Variants in CAMKMT observed in about 807,000 individuals in gnomAD.
CAMKMT encodes the protein calmodulin-lysine N-methyltransferase.
In CAMKMT, 53 loss-of-function variants were observed where a neutral mutation model predicts 48.0. The observed-to-expected ratio is 1.10, with a 90% CI of 0.89 to 1.39. The LOEUF (loss-of-function observed/expected upper bound fraction) is 1.39, where lower values mean the gene tolerates loss of function less well. Ranked by LOEUF, CAMKMT falls within the 40% of genes most tolerant of loss-of-function variation. The pLI is 0.00. For synonymous variants in CAMKMT, 165 were observed against 152.3 expected, an observed-to-expected ratio of 1.08 and a Z score of -0.61; for missense variants, 428 against 402.7, an observed-to-expected ratio of 1.06 and a Z score of -0.54.
At chr2:44,717,803 A>G (rs1259272084) in intron 7 of CAMKMT, among the ~76,000 whole-genome samples, 1 of 151,980 alleles carries the variant, frequency 6.6e-6, no homozygotes, top group African/African-American at 2.4e-5. Context: ...CTGAAAGGAA[A>G]GTCGTGGTAT....
At chr2:44,611,600 T>G (rs778474702) in intron 3 of CAMKMT, among the ~76,000 whole-genome samples, 1 of 152,092 alleles carries the variant, frequency 6.6e-6, no homozygotes, top group Non-Finnish European at 1.5e-5. Flanking sequence ...AAAAGGGAGT[T>G]TAAATAATAT....
intron 10 of CAMKMT, 120 bp from the exon 11 acceptor site, chr2:44,771,912 GATTT>G (rs1048063844): frequency 1.1e-4 from 68 of 628,834 alleles, no homozygotes; most frequent in Middle Eastern, 8.8e-4. Context: ...GCTTTTCTGT[GATTT>G]ATTTTTCCAG....
intron 3 of CAMKMT, among the ~76,000 whole-genome samples, chr2:44,616,581 A>G (rs1476405367): frequency 2.6e-5 from 4 of 152,196 alleles, no homozygotes; most frequent in Non-Finnish European, 5.9e-5. Flanking sequence ...CTTGATCACA[A>G]GCAGTAAGGT....
At chr2:44,461,583 C>CT (rs1667852186) in intron 3 of CAMKMT, among the ~76,000 whole-genome samples, 2 of 152,184 alleles carry the variant, frequency 1.3e-5, no homozygotes. Flanking sequence ...GGGAATGCAT[C>CT]TGTCTTGTTC....
At chr2:44,713,793 G>C (rs928988602) in intron 6 of CAMKMT, among the ~76,000 whole-genome samples, 1 of 152,112 alleles carries the variant, frequency 6.6e-6, no homozygotes, top group African/African-American at 2.4e-5. Context: ...GGGTGTGCCT[G>C]GTGGTTCAAG....
intron 3 of CAMKMT, among the ~76,000 whole-genome samples, chr2:44,446,651 C>G (rs1015531867): frequency 6.6e-6 from 1 of 152,072 alleles, no homozygotes; most frequent in African/African-American, 2.4e-5. Context: ...AGCCTTTTCC[C>G]TTATATTCTC....
intron 3 of CAMKMT, among the ~76,000 whole-genome samples, chr2:44,611,206 T>G (rs1201263793): frequency 2.0e-5 from 3 of 151,990 alleles, no homozygotes; most frequent in Non-Finnish European, 4.4e-5. Context: ...CTGAGGTGGG[T>G]GGATCACCCG....
intron 3 of CAMKMT, among the ~76,000 whole-genome samples, chr2:44,587,964 C>G (rs888615052): frequency 1.6e-5 from 2 of 125,744 alleles, no homozygotes; most frequent in Non-Finnish European, 3.5e-5. Flanking sequence ...AGGAGCCTCT[C>G]TGCCTGGCTG....
chr2:44,394,844 GTTA>G (rs1270088768), intron 3 of CAMKMT: 2 of 453,926 alleles, frequency 4.4e-6, no homozygotes, highest in African/African-American at 4.0e-5. Context: ...GTGGTAATCA[GTTA>G]TTATTGAAAG....
intron 3 of CAMKMT, among the ~76,000 whole-genome samples, chr2:44,494,332 G>A (rs1669653522): frequency 6.6e-6 from 1 of 152,128 alleles, no homozygotes; most frequent in Non-Finnish European, 1.5e-5. Context: ...GTGTCCTCTT[G>A]AGATTTTGTG....
chr2:44,755,459 G>C (rs1378781591), intron 9 of CAMKMT, among the ~76,000 whole-genome samples: 1 of 152,064 alleles, frequency 6.6e-6, no homozygotes, highest in Non-Finnish European at 1.5e-5. Flanking sequence ...GAATATGAAG[G>C]CCTCTATGAA....
intron 3 of CAMKMT, among the ~76,000 whole-genome samples, chr2:44,564,135 A>T (rs964701016): frequency 6.6e-6 from 1 of 150,492 alleles, no homozygotes; most frequent in Non-Finnish European, 1.5e-5. Context: ...GTTTCATATT[A>T]TTTATACAGT....
At chr2:44,499,540 A>G (rs1204282828) in intron 3 of CAMKMT, among the ~76,000 whole-genome samples, 1 of 152,208 alleles carries the variant, frequency 6.6e-6, no homozygotes, top group African/African-American at 2.4e-5. Context: ...ATTTTATTGT[A>G]TGTCTTTTAA....
intron 3 of CAMKMT, among the ~76,000 whole-genome samples, chr2:44,619,361 G>GTA (rs1162892179): frequency 6.6e-6 from 1 of 152,070 alleles, no homozygotes; most frequent in African/African-American, 2.4e-5. Context: ...TTGGTATTTA[G>GTA]TAGGGTTACC....
At chr2:44,719,838 A>G (rs193238819) in intron 7 of CAMKMT, among the ~76,000 whole-genome samples, 13 of 152,300 alleles carry the variant, frequency 8.5e-5, no homozygotes, top group African/African-American at 3.1e-4. Flanking sequence ...GAGGAAGGTT[A>G]GTAGAAGGTA....
chr2:44,561,581 A>C (rs1365607945), intron 3 of CAMKMT, among the ~76,000 whole-genome samples: 1 of 152,032 alleles, frequency 6.6e-6, no homozygotes, highest in African/African-American at 2.4e-5. Flanking sequence ...TAATATTCCC[A>C]TTTACTCTCA....
At chr2:44,459,780 T>C (rs1667756806) in intron 3 of CAMKMT, among the ~76,000 whole-genome samples, 3 of 152,170 alleles carry the variant, frequency 2.0e-5, no homozygotes, top group Non-Finnish European at 4.4e-5. Flanking sequence ...GGGGCATTTG[T>C]CTCCTTTCTC....
rs904303713 is a variant in CAMKMT at position 44,574,994 on chromosome 2, G to A, written c.377-129289G>A. Among the ~76,000 whole-genome samples the A allele has an allele frequency of 2.6e-5, 4 of 151,958 alleles. No homozygotes were observed. The South Asian group carries it at 8.3e-4, about 32-fold the overall frequency. On this transcript the variant is annotated intron_variant, in intron 3 of 10. Transcript: ENST00000378494. ...TGGTCTCGAACTCCTGACCTCAAAT[G>A]ATCCACCCACCTTAGCCTCCCAAAG...
chr2:44,375,110 G>A (rs1046613908), intron 2 of CAMKMT, among the ~76,000 whole-genome samples: 8 of 151,896 alleles, frequency 5.3e-5, no homozygotes, highest in Admixed American at 4.6e-4. Context: ...CAGTTTGGGC[G>A]ATAGAGTGAG....
Sources: allele counts gnomAD v4.1 joint callset (sites outside exome capture counted in the v4.1 genomes callset), GRCh38; gene constraint gnomAD v4.1.1; transcripts MANE v1.5; gene names NCBI Gene and HGNC (gene_info 2026-07-23, HGNC 2026-07-21).